PCDH15: variants seen among roughly 807,000 people sequenced by gnomAD.
PCDH15 encodes the protein protocadherin related 15.
In PCDH15, 129 loss-of-function variants were observed where a neutral mutation model predicts 178.5. That is an observed-to-expected ratio of 0.72 (90% CI 0.63 to 0.84). PCDH15 has a LOEUF of 0.84. PCDH15 is among the 40% of genes least tolerant of loss of function. The pLI is 0.00. For missense variants in PCDH15, 2,230 were observed against 2,099.9 expected (o/e 1.06, Z -1.21); for synonymous variants, 800 against 732.0 (o/e 1.09, Z -1.50).
At chr10:54,850,458 A>G (rs552345370) in intron 3 of PCDH15, among the ~76,000 whole-genome samples, 1 of 152,050 alleles carries the variant, frequency 6.6e-6, no homozygotes, top group African/African-American at 2.4e-5. Context: ...TTTCCCCTGG[A>G]GTCTGCAAAG....
At chr10:55,043,463 C>T (rs889790193) in intron 2 of PCDH15, among the ~76,000 whole-genome samples, 5 of 151,964 alleles carry the variant, frequency 3.3e-5, no homozygotes. Context: ...AATCTCAGAA[C>T]TTTGGAGGAC....
chr10:55,461,415 G>A (rs1839674741), intron 2 of PCDH15, among the ~76,000 whole-genome samples: 1 of 152,046 alleles, frequency 6.6e-6, no homozygotes, highest in African/African-American at 2.4e-5. Context: ...CTACCCCCCT[G>A]TAATTCTTTA....
chr10:54,934,094 T>A (rs551865640), intron 2 of PCDH15, among the ~76,000 whole-genome samples: 3 of 152,226 alleles, frequency 2.0e-5, no homozygotes, highest in African/African-American at 7.2e-5. Flanking sequence ...CAAACCAGAT[T>A]TTTAGGTAAG....
intron 2 of PCDH15, among the ~76,000 whole-genome samples, chr10:55,154,762 T>C (rs2799578): frequency 0.94 from 143,206 of 152,184 alleles, 67,663 homozygotes; most frequent in East Asian, 1. Context: ...AGTATGCACA[T>C]TTAAGAACTG....
chr10:54,935,806 T>C (rs919222412), intron 2 of PCDH15, among the ~76,000 whole-genome samples: 6 of 152,228 alleles, frequency 3.9e-5, no homozygotes, highest in Non-Finnish European at 4.4e-5. Flanking sequence ...CATTATTACA[T>C]TGTTATTCTT....
At chr10:54,045,598 G>A (rs7917543) in intron 18 of PCDH15, among the ~76,000 whole-genome samples, 71,769 of 151,760 alleles carry the variant, frequency 0.47, 17,366 homozygotes, top group Middle Eastern at 0.64. Flanking sequence ...TCATACACAT[G>A]TATATGGGAT....
chr10:54,300,489 G>T lies in PCDH15; in HGVS notation c.876+16782C>A, dbSNP rs186652880. The stretch of plus-strand genomic sequence containing the variant: ...TGACCCACTGGCCCTTTCACTGGCC[G>T]AAAGAGTTCCCCTCTGGAGGACACT... On this transcript the variant is annotated intron_variant, in intron 8 of 37. Coordinates refer to ENST00000644397, the MANE Select transcript of PCDH15 (RefSeq NM_001384140.1). Among the ~76,000 whole-genome samples, 393 of 152,288 alleles carry T rather than the reference G, an allele frequency of 2.6e-3. 1 individual carries two copies. The highest frequency in any genetic ancestry group is 7.1e-3 in the African/African-American group (295 of 41,554).
chr10:54,671,508 G>A (rs2094671915), intron 1 of PCDH15, among the ~76,000 whole-genome samples: 2 of 152,136 alleles, frequency 1.3e-5, no homozygotes, highest in South Asian at 4.1e-4. Flanking sequence ...GTTGCTTTTG[G>A]AGGGCTATAT....
rs564365513 is a variant in PCDH15 at position 54,002,629 on chromosome 10, C to G, written c.2752-6864G>C. Among the ~76,000 whole-genome samples the G allele has an allele frequency of 1.2e-4, 18 of 152,184 alleles. No homozygotes were observed. In the South Asian group the frequency reaches 3.7e-3, roughly 32 times the overall value. On this transcript the variant is annotated intron_variant, in intron 20 of 37. Transcript: ENST00000644397. ...AGGAAATTGATAAGAAAATTGAAAACTTTTTTGACCAAATGATAATGAAAA... is the reference window on the plus strand; with the variant it reads ...AGGAAATTGATAAGAAAATTGAAAAGTTTTTTGACCAAATGATAATGAAAA...
intron 5 of PCDH15, among the ~76,000 whole-genome samples, chr10:54,357,806 CA>C (rs1393621978): frequency 6.6e-6 from 1 of 151,930 alleles, no homozygotes; most frequent in Non-Finnish European, 1.5e-5. Context: ...GTACTGGTAC[CA>C]AAACAGAGAT....
chr10:55,123,110 G>A (rs912987846), intron 2 of PCDH15, among the ~76,000 whole-genome samples: 1 of 151,764 alleles, frequency 6.6e-6, no homozygotes, highest in Non-Finnish European at 1.5e-5. Context: ...AATTTTATAA[G>A]ATATATTTAA....
chr10:53,808,649 A>G (rs2075745867), intron 37 of PCDH15: 1 of 1,586,718 alleles, frequency 6.3e-7, no homozygotes. Context: ...ACTGCACACG[A>G]GAGCACTCAT....
At chr10:55,151,974 T>C (rs1838734929) in intron 2 of PCDH15, among the ~76,000 whole-genome samples, 1 of 152,018 alleles carries the variant, frequency 6.6e-6, no homozygotes, top group South Asian at 2.1e-4. Context: ...TGAGTTGAAC[T>C]GTGAGTGCTA....
intron 2 of PCDH15, among the ~76,000 whole-genome samples, chr10:55,002,438 G>A (rs902470433): frequency 6.6e-6 from 1 of 152,144 alleles, no homozygotes; most frequent in Non-Finnish European, 1.5e-5. Context: ...TTAATGCTTT[G>A]CTCACAGTAC....
intron 8 of PCDH15, among the ~76,000 whole-genome samples, chr10:54,247,886 G>GTA (rs541416891): frequency 0.027 from 3,810 of 141,872 alleles, 69 homozygotes; most frequent in South Asian, 0.078. Context: ...AAAGAAATAT[G>GTA]TATATATATA....
chr10:54,153,104 G>A lies in PCDH15; in HGVS notation c.1780C>T (p.Arg594Ter). The A allele has an allele frequency of 1.9e-6, 3 of 1,613,604 alleles. No homozygotes were observed. Among genetic ancestry groups the A allele is most frequent in the Non-Finnish European group, 2.5e-6 (3 of 1,179,742 alleles). The change falls in exon 14 of 38, where the codon CGA becomes TGA. Residue 594 changes from arginine to a stop codon, truncating the protein, a stop_gained. Transcript: ENST00000644397. LOFTEE classifies it high-confidence loss of function. ...QAADNAPPAE[R>*]RNSICTVYIE... ...ATTGGTTCTAATATAAATTACCTTC[G>A]CTCTGCAGGAGGAGCATTATCCGCT...
chr10:55,259,608 A>G (rs531669086), intron 1 of PCDH15, among the ~76,000 whole-genome samples: 1 of 152,216 alleles, frequency 6.6e-6, no homozygotes, highest in Non-Finnish European at 1.5e-5. Flanking sequence ...TACACATTTT[A>G]AAAATAGTTT....
chr10:55,417,804 C>T (rs1838521017), intron 2 of PCDH15, among the ~76,000 whole-genome samples: 1 of 149,434 alleles, frequency 6.7e-6, no homozygotes, highest in Non-Finnish European at 1.5e-5. Flanking sequence ...GAAACAGAAC[C>T]CACCCAGAAC....
chr10:55,014,281 C>G (rs1301137332), intron 2 of PCDH15, among the ~76,000 whole-genome samples: 1 of 151,790 alleles, frequency 6.6e-6, no homozygotes, highest in East Asian at 1.9e-4. Context: ...ATAAACGTGT[C>G]TATTATAAGG....
Sources: gnomAD v4.1 joint callset for allele counts (sites outside exome capture counted in the v4.1 genomes callset) on GRCh38, gnomAD v4.1.1 for gene constraint, MANE v1.5 for transcripts, NCBI Gene and HGNC (gene_info 2026-07-23, HGNC 2026-07-21) for gene names.